The following SPG11 variants were observed in gnomAD, a reference collection of about 807,000 sequenced individuals.
SPG11 encodes the protein spatacsin.
In SPG11, 222 loss-of-function variants were observed where a neutral mutation model predicts 274.0. The ratio of observed to expected loss-of-function variants is 0.81; its 90% CI spans 0.73 to 0.91. The LOEUF is 0.91. Ranked by LOEUF, SPG11 falls within the 40% of genes least tolerant of loss-of-function variation. SPG11 has a pLI of 0.00. For missense variants in SPG11, 3,114 were observed against 2,872.7 expected (o/e 1.08, Z -1.92); for synonymous variants, 1,144 against 1,039.7 (o/e 1.10, Z -1.93).
intron 17 of SPG11, 87 bp from the exon 18 acceptor site, chr15:44,611,072 T>A (rs2083447437): frequency 1.1e-5 from 6 of 539,360 alleles, no homozygotes; most frequent in African/African-American, 2.8e-5. Context: ...ATAACATAAA[T>A]TTTTAACTCT....
Position 44,565,854 on chromosome 15 carries a change from C to G in SPG11, c.6999G>C (p.Gln2333His). The G allele has an allele frequency of 6.2e-7, 1 of 1,614,064 alleles. No individual in the cohort carries two copies. The highest frequency in any genetic ancestry group is 1.1e-5 in the South Asian group (1 of 91,054). Residue 2333 changes from glutamine (Q) to histidine (H), a missense_variant and splice_region_variant, in exon 38 of 40, where the codon CAG (glutamine) becomes CAC (histidine). Physicochemically the swap from Gln to His is conservative, Grantham distance 24. Coordinates refer to ENST00000261866, the MANE Select transcript of SPG11 (RefSeq NM_025137.4). The part of the protein sequence containing the change: ...DCILALPRFY[Q>H]ASIVAEAYDF... ...GGCTACAGTTTGCTTTCTTGCTCACCTGGTAGAACCGAGGTAGGGCCAGAA... is the reference window on the plus strand; with the variant it reads ...GGCTACAGTTTGCTTTCTTGCTCACGTGGTAGAACCGAGGTAGGGCCAGAA...
chr15:44,587,915 A>T (rs1182412955), intron 28 of SPG11, among the ~76,000 whole-genome samples: 1 of 152,166 alleles, frequency 6.6e-6, no homozygotes, highest in East Asian at 1.9e-4. Context: ...ACTACAGATC[A>T]ATGAAAACAC....
intron 7 of SPG11, 148 bp downstream of exon 7, chr15:44,648,718 T>C: frequency 4.5e-6 from 4 of 886,754 alleles, no homozygotes; most frequent in South Asian, 1.5e-5. Flanking sequence ...GTTAGGGTAA[T>C]GAAACAGCCA....
rs116069609 is a variant in SPG11, at chr15:44,562,878, T to C, written c.*243A>G. On this transcript the variant is annotated 3_prime_UTR_variant, in exon 40 of 40. Transcript: ENST00000261866. ...AGCTGTCCTGAGGAAGAGGAAGCTT[T>C]TGATCTTAATACTAGTATCTATATA... 2.7e-3 allele frequency: 1,276 copies of C among 480,424 alleles called. 13 individuals are homozygous for C. The highest frequency in any genetic ancestry group is 0.021 in the African/African-American group (1,109 of 51,636). The allele number at this position is 480,424 out of a possible 1,614,324, so 29.8% of individuals were successfully genotyped here. A position where few individuals can be genotyped will look rare whatever the true frequency, so the allele number is the denominator to read the frequency against.
chr15:44,641,729 G>T (rs535241367), intron 7 of SPG11, among the ~76,000 whole-genome samples: 5 of 151,030 alleles, frequency 3.3e-5, no homozygotes, highest in African/African-American at 1.2e-4. Context: ...TCAAGAACAT[G>T]CAACAATGAG....
chr15:44,649,894 CAA>C (rs79848684), intron 6 of SPG11, among the ~76,000 whole-genome samples: 11 of 119,772 alleles, frequency 9.2e-5, no homozygotes, highest in African/African-American at 9.3e-5. Context: ...GACTCCATAT[CAA>C]AAAAAAAAAA....
intron 11 of SPG11, among the ~76,000 whole-genome samples, chr15:44,625,405 G>A (rs2083869286): frequency 6.6e-6 from 1 of 152,104 alleles, no homozygotes; most frequent in Non-Finnish European, 1.5e-5. Context: ...GGAGGTGACT[G>A]GATCATGGGG....
At chr15:44,643,952 A>C (rs1401392442) in intron 7 of SPG11, among the ~76,000 whole-genome samples, 3 of 152,140 alleles carry the variant, frequency 2.0e-5, no homozygotes, top group African/African-American at 7.2e-5. Context: ...TCAAGAGGTC[A>C]GGAGTTTGAG....
chr15:44,598,983 C>T (rs759205037), intron 21 of SPG11, 147 bp from the exon 22 acceptor site: 48 of 799,012 alleles, frequency 6.0e-5, no homozygotes, highest in South Asian at 2.4e-4. Context: ...CTTGCACATA[C>T]CCGTTTAGGT....
chr15:44,637,779 C>CT (rs1372671438), intron 7 of SPG11, among the ~76,000 whole-genome samples: 1 of 152,124 alleles, frequency 6.6e-6, no homozygotes, highest in African/African-American at 2.4e-5. Flanking sequence ...CTATGCTATA[C>CT]TTTCGTTATT....
chr15:44,638,341 T>C lies in SPG11; in HGVS notation c.1603-4704A>G, dbSNP rs1015485551. On this transcript the variant is annotated intron_variant, in intron 7 of 39. Transcript: ENST00000261866. ...TAGGCATGGTGGCAGGCGCCTGTAA[T>C]CCTAGCTACTCAAGAGGCTGGGGCA... 4.6e-5 allele frequency among the ~76,000 whole-genome samples: 7 copies of C among 152,196 alleles called. No homozygotes were observed. The East Asian group carries it at 1.4e-3, about 29-fold the overall frequency.
intron 30 of SPG11, among the ~76,000 whole-genome samples, chr15:44,582,789 C>G (rs2082682677): frequency 6.6e-6 from 1 of 151,530 alleles, no homozygotes. Flanking sequence ...ATCAGATTAA[C>G]AGATACAGCA....
At chr15:44,635,109 A>C (rs1357162864) in intron 7 of SPG11, among the ~76,000 whole-genome samples, 7 of 151,922 alleles carry the variant, frequency 4.6e-5, no homozygotes, top group African/African-American at 7.2e-5. Flanking sequence ...TCAGCTACTC[A>C]AAAGTCTGGG....
At chr15:44,600,697 A>C in intron 20 of SPG11, 65 bp from the exon 21 acceptor site, 1 of 1,522,662 alleles carries the variant, frequency 6.6e-7, no homozygotes, top group Non-Finnish European at 9.1e-7. Flanking sequence ...AGATTTGCAC[A>C]TGGAACTCTC....
chr15:44,567,700 G>C (rs1025859748), intron 35 of SPG11, 108 bp from the exon 36 acceptor site: 2 of 1,134,436 alleles, frequency 1.8e-6, no homozygotes, highest in Non-Finnish European at 2.6e-6. Flanking sequence ...CCAAGAAGAA[G>C]AGGAGCAAAA....
intron 11 of SPG11, 74 bp downstream of exon 11, chr15:44,626,257 A>T: frequency 7.7e-7 from 1 of 1,303,852 alleles, no homozygotes. Context: ...AATAATTATG[A>T]ATACAAACCA....
chr15:44,629,108 C>T, intron 9 of SPG11, 125 bp downstream of exon 9: 2 of 1,164,252 alleles, frequency 1.7e-6, no homozygotes, highest in Non-Finnish European at 2.6e-6. Flanking sequence ...CAACTACACA[C>T]TGACCTTACC....
At chr15:44,571,885 G>A (rs1020725101) in intron 33 of SPG11, among the ~76,000 whole-genome samples, 2 of 152,118 alleles carry the variant, frequency 1.3e-5, no homozygotes, top group Non-Finnish European at 2.9e-5. Context: ...TCCAACTCCT[G>A]GGCTCAAGGG....
chr15:44,592,031 A>G (rs890968725), intron 27 of SPG11, among the ~76,000 whole-genome samples: 13 of 151,700 alleles, frequency 8.6e-5, no homozygotes, highest in African/African-American at 3.1e-4. Context: ...GAATCGCTTG[A>G]ACCTGGGAGG....
Sources: allele counts gnomAD v4.1 joint callset (sites outside exome capture counted in the v4.1 genomes callset), GRCh38; gene constraint gnomAD v4.1.1; transcripts MANE v1.5; gene names NCBI Gene and HGNC (gene_info 2026-07-23, HGNC 2026-07-21).